The following SASH1 variants were observed in gnomAD, a reference collection of about 807,000 sequenced individuals.
SASH1 encodes the protein SAM and SH3 domain containing 1, also known as SAM and SH3 domain-containing protein 1.
In SASH1, 44 loss-of-function variants were observed where a neutral mutation model predicts 125.2. The observed-to-expected ratio is 0.35, with a 90% CI of 0.28 to 0.45. The LOEUF is 0.45. Among genes scored for constraint, SASH1 ranks in the 20% least tolerant of loss-of-function variants. SASH1 has a pLI of 1.00. For missense variants in SASH1, 1,426 were observed against 1,614.5 expected (o/e 0.88, Z 2.00); for synonymous variants, 639 against 649.1 (o/e 0.98, Z 0.24).
At chr6:148,469,504 G>A (rs1432879741) in intron 5 of SASH1, among the ~76,000 whole-genome samples, 20 of 152,158 alleles carry the variant, frequency 1.3e-4, no homozygotes, top group Admixed American at 8.5e-4. Flanking sequence ...AGGCCAAGGA[G>A]GGAGAATTAC....
chr6:148,544,876 G>A lies in SASH1; in HGVS notation c.3348+58G>A. Reference sequence around the variant, plus strand: ...GGCCTTTGTTTGTAGAAGTCAGGCAGCCAGGTGAGATGAACCCACATCTGA... The same window carrying A: ...GGCCTTTGTTTGTAGAAGTCAGGCAACCAGGTGAGATGAACCCACATCTGA... On this transcript the variant is annotated intron_variant, in intron 18 of 19. Transcript: ENST00000367467. The surrounding 1 kb of genome is among the most constrained non-coding windows in gnomAD (Gnocchi z 6.4). The A allele has an allele frequency of 6.8e-7, 1 of 1,479,406 alleles. No individual in the cohort carries two copies. The highest frequency in any genetic ancestry group is 9.0e-7 in the Non-Finnish European group (1 of 1,110,976). 91.6% of individuals were successfully genotyped at this position (1,479,406 alleles called of 1,614,324 possible).
the SASH1 span, among the ~76,000 whole-genome samples, chr6:148,224,602 C>T: frequency 3.3e-5 from 5 of 152,082 alleles, no homozygotes; most frequent in Non-Finnish European, 7.4e-5. Context: ...TTCAAGTGAT[C>T]CGTTCTCCTG....
the SASH1 span, among the ~76,000 whole-genome samples, chr6:148,224,403 C>T: frequency 2.6e-5 from 4 of 151,922 alleles, no homozygotes; most frequent in African/African-American, 9.7e-5. Flanking sequence ...CTCTGTTGCC[C>T]GGGCTGGAGT....
the SASH1 span, among the ~76,000 whole-genome samples, chr6:148,201,380 A>G: frequency 6.6e-6 from 1 of 152,256 alleles, no homozygotes; most frequent in East Asian, 1.9e-4. Flanking sequence ...GGTGGGACCA[A>G]CTGAATAGAG....
intron 1 of SASH1, among the ~76,000 whole-genome samples, chr6:148,380,131 T>C (rs1409383549): frequency 1.3e-5 from 2 of 152,180 alleles, no homozygotes; most frequent in Non-Finnish European, 2.9e-5. Flanking sequence ...TCAGTTTTGA[T>C]TGAGTTGTCT....
intron 8 of SASH1, chr6:148,508,940 G>T (rs1779962864): frequency 1.1e-6 from 1 of 871,306 alleles, no homozygotes; most frequent in Admixed American, 2.3e-5. Context: ...TCAAGTAAAA[G>T]TTTTTGCTGC....
intron 2 of SASH1, among the ~76,000 whole-genome samples, chr6:148,412,295 G>T (rs1784660052): frequency 6.6e-6 from 1 of 152,032 alleles, no homozygotes; most frequent in South Asian, 2.1e-4. Context: ...ATTTCAATTT[G>T]TATCTCATTC....
intron 1 of SASH1, among the ~76,000 whole-genome samples, chr6:148,317,728 GA>G (rs1562321698): frequency 6.6e-6 from 1 of 151,926 alleles, no homozygotes; most frequent in African/African-American, 2.4e-5. Context: ...CCCGGCCAAG[GA>G]AAAAAATTTT....
intron 2 of SASH1, among the ~76,000 whole-genome samples, chr6:148,432,919 A>T (rs1017404833): frequency 8.5e-5 from 13 of 152,168 alleles, no homozygotes; most frequent in Admixed American, 7.9e-4. Context: ...TCAGAGACTT[A>T]GTTTTGTATT....
chr6:148,338,868 G>A (rs527565542), upstream of SASH1, among the ~76,000 whole-genome samples: 1 of 152,136 alleles, frequency 6.6e-6, no homozygotes, highest in Non-Finnish European at 1.5e-5. Context: ...AGCCGGGCGT[G>A]GTGGCAGGCT....
intron 2 of SASH1, among the ~76,000 whole-genome samples, chr6:148,402,570 A>G (rs1244679965): frequency 2.0e-5 from 3 of 151,748 alleles, no homozygotes; most frequent in Admixed American, 6.6e-5. Context: ...TGGCCTCCCA[A>G]AGTGCTGGGA....
At chr6:148,236,427 G>A in the SASH1 span, among the ~76,000 whole-genome samples, 2 of 152,088 alleles carry the variant, frequency 1.3e-5, no homozygotes, top group African/African-American at 2.4e-5. Flanking sequence ...GGCCAGGCTG[G>A]TCTTGAATCC....
chr6:148,529,668 T>C lies in SASH1; in HGVS notation c.1429-1858T>C, dbSNP rs1781393042. ...GCATTTTTCAATAATTTTACTACCATATAGCAATCTTATGTGCTTAGTTCT... is the reference window on the plus strand; with the variant it reads ...GCATTTTTCAATAATTTTACTACCACATAGCAATCTTATGTGCTTAGTTCT... On this transcript the variant is annotated intron_variant, in intron 12 of 19. Transcript: ENST00000367467. The surrounding 1 kb of genome is among the most constrained non-coding windows in gnomAD (Gnocchi z 4.2). Among the ~76,000 whole-genome samples the C allele has an allele frequency of 6.6e-6, 1 of 152,214 alleles. No individual in the cohort carries two copies. The highest frequency in any genetic ancestry group is 1.5e-5 in the Non-Finnish European group (1 of 68,028).
At chr6:148,255,029 A>C in the SASH1 span, among the ~76,000 whole-genome samples, 1 of 152,212 alleles carries the variant, frequency 6.6e-6, no homozygotes, top group African/African-American at 2.4e-5. Flanking sequence ...TATCAATAAA[A>C]AGGAATGAAG....
the SASH1 span, among the ~76,000 whole-genome samples, chr6:148,220,142 G>A: frequency 3.3e-5 from 5 of 152,184 alleles, no homozygotes; most frequent in African/African-American, 9.7e-5. Flanking sequence ...GTAATTTATA[G>A]AGGATAGAAA....
rs778633441 is a variant in SASH1, at chr6:148,531,567, A to C, written c.1470A>C (p.Ser490=). The C allele has an allele frequency of 3.1e-5, 48 of 1,560,742 alleles. No homozygotes were observed. The highest frequency in any genetic ancestry group is 3.9e-5 in the Non-Finnish European group (45 of 1,151,764). ...GAATGCCTGGCTCCCCTCCGCCTTC[A>C]CAGCCCGACCCCGAACACTTGGACA... is the stretch of plus-strand genomic sequence containing the variant. ...LDGMPGSPPP[S]QPDPEHLDKP... The change falls in exon 13 of 20, where the codon TCA becomes TCC. Residue 490 remains serine, a synonymous_variant. Transcript: ENST00000367467.
chr6:148,521,759 T>C (rs552404650), intron 10 of SASH1, among the ~76,000 whole-genome samples: 1 of 152,260 alleles, frequency 6.6e-6, no homozygotes, highest in African/African-American at 2.4e-5. Flanking sequence ...CTTAGTTTTA[T>C]GTATTTATTT....
In SASH1 at chr6:148,549,571, A is replaced by G. The variant is rs1179940507; in HGVS notation, c.*1013A>G. On this transcript the variant is annotated 3_prime_UTR_variant, in exon 20 of 20. Transcript: ENST00000367467. ...CCTCAGTTAACGGATCATGTTTGCA[A>G]AAGGTCACTGTGAGGCTGCATATTT... 1.0e-5 allele frequency: 4 copies of G among 398,844 alleles called. No individual in the cohort carries two copies. The highest frequency in any genetic ancestry group is 3.6e-5 in the East Asian group (1 of 28,088). The allele number at this position is 398,844 out of a possible 1,614,324, so 24.7% of individuals were successfully genotyped here.
At chr6:148,420,125 A>T (rs552599128) in intron 2 of SASH1, among the ~76,000 whole-genome samples, 1 of 152,208 alleles carries the variant, frequency 6.6e-6, no homozygotes, top group Non-Finnish European at 1.5e-5. Context: ...AGTTTGTTAT[A>T]TATGATTTTA....
Sources: allele counts gnomAD v4.1 joint callset (sites outside exome capture counted in the v4.1 genomes callset), GRCh38; gene constraint gnomAD v4.1.1; non-coding constraint Gnocchi (gnomAD v3.1); transcripts MANE v1.5; gene names NCBI Gene and HGNC (gene_info 2026-07-23, HGNC 2026-07-21).